ABLIM1: variants seen among roughly 807,000 people sequenced by gnomAD.
ABLIM1 encodes the protein actin-binding LIM protein 1.
Under a neutral mutation model 107.0 loss-of-function variants are expected in ABLIM1, and 40 were observed. The ratio of observed to expected loss-of-function variants is 0.37; its 90% confidence interval spans 0.29 to 0.49. The LOEUF (loss-of-function observed/expected upper bound fraction) is 0.49. Ranked by LOEUF, ABLIM1 falls within the 20% of genes least tolerant of loss-of-function variation. The probability of loss-of-function intolerance (pLI) is 0.97; values close to 1 mark genes in which losing one functional copy is unlikely to be tolerated. For synonymous variants in ABLIM1, 357 were observed against 357.3 expected, an observed-to-expected ratio of 1.00 and a Z score of 0.01; for missense variants, 857 against 1,008.5, an observed-to-expected ratio of 0.85 and a Z score of 2.04.
chr10:114,508,418 G>C (rs2061432162), intron 6 of ABLIM1, among the ~76,000 whole-genome samples: 2 of 152,212 alleles, frequency 1.3e-5, no homozygotes, highest in Non-Finnish European at 1.5e-5. Context: ...AAAAATATTG[G>C]CCAGATGCAA....
chr10:114,553,010 T>C (rs937292081), intron 4 of ABLIM1, among the ~76,000 whole-genome samples: 1 of 152,136 alleles, frequency 6.6e-6, no homozygotes, highest in African/African-American at 2.4e-5. Context: ...GATAGAAAGT[T>C]AAGAGAGAAG....
intron 6 of ABLIM1, among the ~76,000 whole-genome samples, chr10:114,528,615 C>T (rs1385947156): frequency 2.0e-5 from 3 of 152,194 alleles, no homozygotes; most frequent in Admixed American, 6.5e-5. Context: ...TGTGGACTTC[C>T]CTGTACCAGA....
chr10:114,677,714 G>A (rs2080552482), intron 1 of ABLIM1, among the ~76,000 whole-genome samples: 1 of 152,208 alleles, frequency 6.6e-6, no homozygotes, highest in Non-Finnish European at 1.5e-5. Flanking sequence ...GGTGGAGGTT[G>A]CAGTGAGCCA....
intron 1 of ABLIM1, among the ~76,000 whole-genome samples, chr10:114,740,173 A>C (rs1566291773): frequency 6.6e-6 from 1 of 152,102 alleles, no homozygotes; most frequent in Non-Finnish European, 1.5e-5. Flanking sequence ...TTTAACATGC[A>C]TTGACCTGAT....
At chr10:114,713,628 T>C (rs761468866) in intron 1 of ABLIM1, among the ~76,000 whole-genome samples, 17 of 152,244 alleles carry the variant, frequency 1.1e-4, no homozygotes, top group Non-Finnish European at 2.5e-4. Context: ...GTTGGTCTTT[T>C]TTTAGTAGCA....
chr10:114,473,853 T>A, intron 9 of ABLIM1, 26 bp downstream of exon 9: 1 of 1,568,086 alleles, frequency 6.4e-7, no homozygotes, highest in Non-Finnish European at 8.8e-7. Flanking sequence ...GTCCCAGAAA[T>A]GTCACTTCCA....
chr10:114,749,299 C>T (rs756466839), intron 1 of ABLIM1, among the ~76,000 whole-genome samples: 2 of 152,096 alleles, frequency 1.3e-5, no homozygotes, highest in Non-Finnish European at 2.9e-5. Flanking sequence ...GCAATAACTG[C>T]CCATTAGCCA....
chr10:114,513,357 C>G (rs1188516309), intron 6 of ABLIM1, among the ~76,000 whole-genome samples: 1 of 152,052 alleles, frequency 6.6e-6, no homozygotes, highest in Non-Finnish European at 1.5e-5. Context: ...TGGCTCAGAA[C>G]AGGAAGAAAT....
At chr10:114,740,795 G>A (rs1020654042) in intron 1 of ABLIM1, among the ~76,000 whole-genome samples, 1 of 152,060 alleles carries the variant, frequency 6.6e-6, no homozygotes, top group Non-Finnish European at 1.5e-5. Flanking sequence ...TGTAATCCCA[G>A]CACTTTGGGA....
chr10:114,622,710 T>C (rs139693741), intron 1 of ABLIM1, among the ~76,000 whole-genome samples: 169 of 152,282 alleles, frequency 1.1e-3, no homozygotes, highest in African/African-American at 3.9e-3. Flanking sequence ...CACACAGATT[T>C]TCTTCTACCT....
chr10:114,458,666 T>C (rs1445391440), intron 12 of ABLIM1, among the ~76,000 whole-genome samples: 1 of 152,192 alleles, frequency 6.6e-6, no homozygotes, highest in African/African-American at 2.4e-5. Context: ...GTGTCAAATA[T>C]ATATTTACAT....
the ABLIM1 span, among the ~76,000 whole-genome samples, chr10:114,775,412 C>T: frequency 6.6e-6 from 1 of 152,268 alleles, no homozygotes; most frequent in Admixed American, 6.5e-5. Flanking sequence ...CTGGTTTATC[C>T]TAATCATCAA....
chr10:114,690,496 T>C, intron 1 of ABLIM1: 1 of 1,536,832 alleles, frequency 6.5e-7, no homozygotes, highest in Non-Finnish European at 9.0e-7. Context: ...CGGGAGCCCT[T>C]ACAACCAAAT....
At chr10:114,780,467 T>C in the ABLIM1 span, among the ~76,000 whole-genome samples, 2 of 152,196 alleles carry the variant, frequency 1.3e-5, no homozygotes, top group Middle Eastern at 3.2e-3. Flanking sequence ...GGATTAGTCA[T>C]TTTGAAGTTG....
chr10:114,734,525 C>G (rs934268020), intron 1 of ABLIM1, among the ~76,000 whole-genome samples: 4 of 152,052 alleles, frequency 2.6e-5, no homozygotes, highest in African/African-American at 9.7e-5. Flanking sequence ...CCTTGTTCCC[C>G]CAATCCTCCT....
At chr10:114,587,767 G>A (rs571996835) in intron 2 of ABLIM1, among the ~76,000 whole-genome samples, 1 of 152,216 alleles carries the variant, frequency 6.6e-6, no homozygotes, top group East Asian at 1.9e-4. Context: ...GTTTTCTGGA[G>A]GTTTATGTTC....
chr10:114,720,488 C>G (rs897285048), intron 1 of ABLIM1, among the ~76,000 whole-genome samples: 3 of 152,102 alleles, frequency 2.0e-5, no homozygotes, highest in Non-Finnish European at 4.4e-5. Flanking sequence ...ACTTTCCCAA[C>G]AACAGTGTAA....
At chr10:114,480,535 C>T (rs901520487) in intron 8 of ABLIM1, among the ~76,000 whole-genome samples, 5 of 152,190 alleles carry the variant, frequency 3.3e-5, no homozygotes, top group African/African-American at 1.2e-4. Flanking sequence ...TTGATGCTAT[C>T]TTTGGCATCT....
chr10:114,783,422 T>C, the ABLIM1 span, among the ~76,000 whole-genome samples: 1 of 152,148 alleles, frequency 6.6e-6, no homozygotes, highest in Admixed American at 6.5e-5. Flanking sequence ...AATGAGTTGT[T>C]CCGTGTTTGA....
Sources: allele counts gnomAD v4.1 joint callset (sites outside exome capture counted in the v4.1 genomes callset), GRCh38; gene constraint gnomAD v4.1.1; transcripts MANE v1.5; gene names NCBI Gene and HGNC (gene_info 2026-07-23, HGNC 2026-07-21).